SNX24: variants seen among roughly 807,000 people sequenced by gnomAD.
SNX24 encodes sorting nexin 24.
A neutral mutation model predicts 28.7 loss-of-function variants in SNX24; 22 were observed. The observed-to-expected ratio is 0.77, with a 90% CI of 0.55 to 1.10. The LOEUF is 1.10. Ranked by LOEUF, SNX24 falls within the 50% of genes least tolerant of loss-of-function variation. The pLI is 0.00. For missense variants in SNX24, 221 were observed against 201.1 expected (o/e 1.10, Z -0.60); for synonymous variants, 69 against 71.5 (o/e 0.96, Z 0.18).
chr5:122,960,600 C>A (rs1760449324), intron 3 of SNX24, among the ~76,000 whole-genome samples: 1 of 152,160 alleles, frequency 6.6e-6, no homozygotes, highest in African/African-American at 2.4e-5. Flanking sequence ...TTTTAGGGAG[C>A]CTTTTCTTTA....
intron 1 of SNX24, among the ~76,000 whole-genome samples, chr5:122,877,621 C>G (rs758012390): frequency 3.9e-5 from 6 of 152,180 alleles, no homozygotes; most frequent in Non-Finnish European, 8.8e-5. Flanking sequence ...ACCAACCCAC[C>G]CACTCCCCAG....
chr5:122,851,976 T>G (rs1222517710), intron 1 of SNX24, among the ~76,000 whole-genome samples: 1 of 151,884 alleles, frequency 6.6e-6, no homozygotes, highest in African/African-American at 2.4e-5. Context: ...AGTTTCTGGT[T>G]GTTTTTGTTG....
At chr5:122,929,182 C>T (rs1171266952) in intron 1 of SNX24, among the ~76,000 whole-genome samples, 1 of 152,122 alleles carries the variant, frequency 6.6e-6, no homozygotes, top group Non-Finnish European at 1.5e-5. Flanking sequence ...AGAGGTGTCT[C>T]TTCACTGCCT....
At chr5:122,945,848 A>G (rs1383545012) in intron 2 of SNX24, among the ~76,000 whole-genome samples, 2 of 152,194 alleles carry the variant, frequency 1.3e-5, no homozygotes, top group Non-Finnish European at 2.9e-5. Context: ...ACAGAAAACC[A>G]TTATTCTGAA....
chr5:122,943,052 A>C (rs1235754342), intron 2 of SNX24, among the ~76,000 whole-genome samples: 1 of 152,184 alleles, frequency 6.6e-6, no homozygotes, highest in Admixed American at 6.5e-5. Context: ...TTAAAGTGAA[A>C]CTTAAGCTTA....
chr5:122,989,027 C>G (rs1348603329), intron 3 of SNX24, among the ~76,000 whole-genome samples: 2 of 152,028 alleles, frequency 1.3e-5, no homozygotes, highest in African/African-American at 4.8e-5. Flanking sequence ...AATAGAATAT[C>G]AGAATTTCTT....
chr5:122,948,245 CA>C, intron 3 of SNX24, among the ~76,000 whole-genome samples: 1 of 152,144 alleles, frequency 6.6e-6, no homozygotes, highest in Non-Finnish European at 1.5e-5. Context: ...TTGATCATTT[CA>C]AGTCTCCTTA....
chr5:123,009,289 A>G (rs1053116133), downstream of SNX24: 37 of 892,806 alleles, frequency 4.1e-5, no homozygotes, highest in African/African-American at 6.6e-4. Context: ...ATATGTGCAC[A>G]CACAAAACCT....
chr5:122,862,443 G>A (rs1378672596), intron 1 of SNX24, among the ~76,000 whole-genome samples: 3 of 151,652 alleles, frequency 2.0e-5, no homozygotes, highest in Non-Finnish European at 4.4e-5. Flanking sequence ...GTGAAACCCC[G>A]TCTCTCCGAA....
intron 3 of SNX24, among the ~76,000 whole-genome samples, chr5:122,976,335 A>G (rs966930267): frequency 6.8e-6 from 1 of 146,868 alleles, no homozygotes; most frequent in Non-Finnish European, 1.5e-5. Context: ...TTATCTTTTT[A>G]TGATTGGAGT....
At chr5:122,965,252 G>C (rs576088723) in intron 3 of SNX24, among the ~76,000 whole-genome samples, 4 of 152,294 alleles carry the variant, frequency 2.6e-5, no homozygotes, top group Admixed American at 6.5e-5. Context: ...GAATTTTCCT[G>C]GTGTAACCTT....
intron 3 of SNX24, among the ~76,000 whole-genome samples, chr5:122,971,496 A>T (rs1470344940): frequency 6.6e-6 from 1 of 152,148 alleles, no homozygotes; most frequent in Non-Finnish European, 1.5e-5. Context: ...CATCTCCTGA[A>T]ATCATACTTA....
chr5:123,007,600 T>C, intron 6 of SNX24, 82 bp from the exon 7 acceptor site: 2 of 1,260,026 alleles, frequency 1.6e-6, no homozygotes, highest in Non-Finnish European at 2.2e-6. Flanking sequence ...CTTGTTCCAT[T>C]CTACAGAATG....
intron 3 of SNX24, among the ~76,000 whole-genome samples, chr5:122,970,692 TC>T (rs1191002022): frequency 6.6e-6 from 1 of 152,158 alleles, no homozygotes; most frequent in African/African-American, 2.4e-5. Flanking sequence ...ATGGCCTCCA[TC>T]TCCTGACCTC....
intron 3 of SNX24, among the ~76,000 whole-genome samples, chr5:122,946,398 T>G (rs1336811681): frequency 6.6e-6 from 1 of 152,202 alleles, no homozygotes; most frequent in Non-Finnish European, 1.5e-5. Context: ...TGAAAACTGT[T>G]GAGGAGAGGA....
At chr5:123,028,809 T>A (rs760622803) in intron 5 of SNX24, 1 of 1,613,862 alleles carries the variant, frequency 6.2e-7, no homozygotes. Context: ...TGTCACCTCC[T>A]TGAATCATGA....
intron 6 of SNX24, 52 bp from the exon 7 acceptor site, chr5:123,007,630 A>C: frequency 1.3e-6 from 2 of 1,490,586 alleles, no homozygotes; most frequent in South Asian, 1.2e-5. Flanking sequence ...TTTGTTTCAC[A>C]TAAGAAAAGC....
chr5:122,921,461 C>A lies in SNX24; in HGVS notation c.61-15273C>A, dbSNP rs1399798328. Reference sequence around the variant, plus strand: ...AGAAAAGGTCTTATTCAAAAAGTTTCTTTTAAGTCTATGTGTCCTGACTTG... The same window carrying A: ...AGAAAAGGTCTTATTCAAAAAGTTTATTTTAAGTCTATGTGTCCTGACTTG... On this transcript the variant is annotated intron_variant, in intron 1 of 6. Coordinates refer to ENST00000261369, the MANE Select transcript of SNX24 (RefSeq NM_014035.4). Among the ~76,000 whole-genome samples, 3 of 152,072 alleles carry A rather than the reference C, an allele frequency of 2.0e-5. No individual in the cohort carries two copies. In the East Asian group the frequency reaches 5.8e-4, roughly 29 times the overall value.
intron 3 of SNX24, among the ~76,000 whole-genome samples, chr5:122,949,044 TTAAG>T (rs1759819829): frequency 6.6e-6 from 1 of 152,218 alleles, no homozygotes; most frequent in Non-Finnish European, 1.5e-5. Context: ...TGTGCTGTAT[TTAAG>T]TAAGAGGCTA....
Sources: gnomAD v4.1 joint callset for allele counts (sites outside exome capture counted in the v4.1 genomes callset) on GRCh38, gnomAD v4.1.1 for gene constraint, MANE v1.5 for transcripts, NCBI Gene and HGNC (gene_info 2026-07-23, HGNC 2026-07-21) for gene names.